USP22: variants seen among roughly 807,000 people sequenced by gnomAD.
USP22 encodes ubiquitin specific peptidase 22.
In USP22, 22 loss-of-function variants were observed where a neutral mutation model predicts 68.1. The ratio of observed to expected loss-of-function variants is 0.32; its 90% CI spans 0.23 to 0.46. USP22 has a LOEUF of 0.46. Among genes scored for constraint, USP22 ranks in the 20% least tolerant of loss-of-function variants. The pLI, the probability that USP22 is intolerant of heterozygous loss-of-function variation, is 1.00. For missense variants in USP22, 433 were observed against 695.8 expected, an observed-to-expected ratio of 0.62 and a Z score of 4.25; for synonymous variants, 279 against 274.2, an observed-to-expected ratio of 1.02 and a Z score of -0.17.
chr17:21,010,582 T>G (rs1410585718), intron 8 of USP22, among the ~76,000 whole-genome samples: 2 of 150,654 alleles, frequency 1.3e-5, no homozygotes, highest in African/African-American at 4.9e-5. Context: ...GAGAATCACT[T>G]GAACCTGAAA....
chr17:21,027,086 G>A (rs1972229933), intron 2 of USP22, among the ~76,000 whole-genome samples: 2 of 151,564 alleles, frequency 1.3e-5, no homozygotes, highest in African/African-American at 2.4e-5. Flanking sequence ...GAGCCACCAC[G>A]CCCAGCCTAC....
chr17:21,030,264 G>C (rs1972271770), intron 1 of USP22, among the ~76,000 whole-genome samples: 1 of 152,164 alleles, frequency 6.6e-6, no homozygotes, highest in Non-Finnish European at 1.5e-5. Flanking sequence ...AATGACATGA[G>C]AAAAAGTCTG....
rs1388262601 is a variant in USP22, at chr17:21,001,426, T to G, written c.*1605A>C. On this transcript the variant is annotated 3_prime_UTR_variant, in exon 13 of 13. Coordinates refer to ENST00000261497, the MANE Select transcript of USP22 (RefSeq NM_015276.2). ...ACCAGCTTCTCCATGGCCTGTGAGC[T>G]AAGAATAGGTTTCACGTTTTTAAAT... 1 of 152,188 alleles carries G rather than the reference T, an allele frequency of 6.6e-6. No individual in the cohort carries two copies. Among genetic ancestry groups the G allele is most frequent in the African/African-American group, 2.4e-5 (1 of 41,438 alleles). The allele number at this position is 152,188 out of a possible 1,614,324, so 9.4% of individuals were successfully genotyped here. A position where few individuals can be genotyped will look rare whatever the true frequency, so the allele number is the denominator to read the frequency against.
Position 21,002,977 on chromosome 17 carries a change from T to G in USP22, c.*54A>C. The G allele has an allele frequency of 6.2e-7, 1 of 1,604,892 alleles. No individual in the cohort carries two copies. Among genetic ancestry groups the G allele is most frequent in the Non-Finnish European group, 8.5e-7 (1 of 1,173,750 alleles). On this transcript the variant is annotated 3_prime_UTR_variant, in exon 13 of 13. Coordinates refer to ENST00000261497, the MANE Select transcript of USP22 (RefSeq NM_015276.2). Reference sequence around the variant, plus strand: ...GAGGGGGGGGCCAGGGAGGATCACTTTGTGAGGCTTGCCAATGCATTGCCT... The same window carrying G: ...GAGGGGGGGGCCAGGGAGGATCACTGTGTGAGGCTTGCCAATGCATTGCCT...
In USP22 at chr17:21,042,758, C is replaced by A; in HGVS notation, c.78G>T (p.Leu26=). Residue 26 remains leucine, a synonymous_variant, in exon 1 of 13, where the codon CTG becomes CTT. Coordinates refer to ENST00000261497, the MANE Select transcript of USP22 (RefSeq NM_015276.2). ...LAVAPPGCSH[L]GSFKVDNWKQ... is the part of the protein sequence containing the mutation. ...TCCAGTTGTCCACCTTGAAGCTGCCCAGGTGCGAGCAGCCCGGCGGCGCTA... is the reference window on the plus strand; with the variant it reads ...TCCAGTTGTCCACCTTGAAGCTGCCAAGGTGCGAGCAGCCCGGCGGCGCTA... The A allele has an allele frequency of 6.7e-7, 1 of 1,497,390 alleles. No individual in the cohort carries two copies. 92.8% of individuals were successfully genotyped at this position (1,497,390 alleles called of 1,614,324 possible). A position where few individuals can be genotyped will look rare whatever the true frequency, so the allele number is the denominator to read the frequency against.
intron 1 of USP22, among the ~76,000 whole-genome samples, chr17:21,040,908 G>T (rs915547893): frequency 7.1e-6 from 1 of 140,828 alleles, no homozygotes; most frequent in East Asian, 2.0e-4. Context: ...TTTTCCGGAG[G>T]GGGTCTTGCT....
At chr17:21,027,690 C>T (rs7216030) in intron 2 of USP22, among the ~76,000 whole-genome samples, 2,616 of 152,238 alleles carry the variant, frequency 0.017, 61 homozygotes, top group African/African-American at 0.058. Context: ...AAGCCAAGGC[C>T]GGGCACAATG....
chr17:21,041,932 C>A (rs1364003522), intron 1 of USP22, among the ~76,000 whole-genome samples: 2 of 152,222 alleles, frequency 1.3e-5, no homozygotes, highest in Admixed American at 6.5e-5. Context: ...CAAACCCGGG[C>A]TGTGGCTCCG....
At chr17:21,009,161 G>T (rs1913870479) in intron 8 of USP22, among the ~76,000 whole-genome samples, 1 of 151,610 alleles carries the variant, frequency 6.6e-6, no homozygotes, top group Non-Finnish European at 1.5e-5. Flanking sequence ...TGCAGAGGCA[G>T]GAGGTAGGAG....
At position 21,002,721 on chromosome 17, in the gene USP22, G is replaced by A; in HGVS notation, c.*310C>T. On this transcript the variant is annotated 3_prime_UTR_variant, in exon 13 of 13. Coordinates refer to ENST00000261497, the MANE Select transcript of USP22 (RefSeq NM_015276.2). ...CGCCAGGCAGCGGTCACTCTGTGCT[G>A]TGAGGCCCCCGTTGCACCCCCATGT... The A allele has an allele frequency of 2.7e-6, 1 of 370,146 alleles. No individual in the cohort carries two copies. The highest frequency in any genetic ancestry group is 2.3e-5 in the South Asian group (1 of 43,538). 22.9% of individuals were successfully genotyped at this position (370,146 alleles called of 1,614,324 possible). A position where few individuals can be genotyped will look rare whatever the true frequency, so the allele number is the denominator to read the frequency against.
At chr17:21,005,164 C>A in intron 10 of USP22, 174 bp from the exon 11 acceptor site, 2 of 747,022 alleles carry the variant, frequency 2.7e-6, no homozygotes, top group Non-Finnish European at 4.3e-6. Flanking sequence ...GACGCTCAAG[C>A]TGTGGAGGCC....
chr17:21,028,198 A>T (rs1424431216), intron 2 of USP22, among the ~76,000 whole-genome samples: 2 of 152,266 alleles, frequency 1.3e-5, no homozygotes, highest in South Asian at 4.1e-4. Context: ...CTCATATTGC[A>T]TGGAGCTCTT....
chr17:21,036,317 G>A (rs937215564), intron 1 of USP22, among the ~76,000 whole-genome samples: 3 of 152,070 alleles, frequency 2.0e-5, no homozygotes, highest in African/African-American at 2.4e-5. Flanking sequence ...AGCACAAAGA[G>A]CAAACCTTAA....
Position 21,002,802 on chromosome 17 carries a change from A to G in USP22, c.*229T>C. 2 of 523,226 alleles carry G rather than the reference A, an allele frequency of 3.8e-6. No individual in the cohort carries two copies. The highest frequency in any genetic ancestry group is 7.0e-6 in the Non-Finnish European group (2 of 286,120). The allele number at this position is 523,226 out of a possible 1,614,324, so 32.4% of individuals were successfully genotyped here. A position where few individuals can be genotyped will look rare whatever the true frequency, so the allele number is the denominator to read the frequency against. On this transcript the variant is annotated 3_prime_UTR_variant, in exon 13 of 13. Coordinates refer to ENST00000261497, the MANE Select transcript of USP22 (RefSeq NM_015276.2). ...GTACGCTGCTCCTCCCACCCAGAGC[A>G]CACCCCTCATCTCATCCATCTTCAA... is the stretch of plus-strand genomic sequence containing the variant.
chr17:21,033,575 A>G (rs1360768004), intron 1 of USP22, among the ~76,000 whole-genome samples: 1 of 152,150 alleles, frequency 6.6e-6, no homozygotes, highest in Non-Finnish European at 1.5e-5. Context: ...TCCAGCTTTT[A>G]AAAGTGTGCA....
At chr17:21,021,673 C>T (rs748677684) in intron 2 of USP22, among the ~76,000 whole-genome samples, 5 of 152,134 alleles carry the variant, frequency 3.3e-5, no homozygotes, top group Admixed American at 6.5e-5. Context: ...TTGTGGTTGG[C>T]GGCATTTGCT....
intron 7 of USP22, among the ~76,000 whole-genome samples, chr17:21,012,473 A>T (rs1167700788): frequency 6.6e-6 from 1 of 152,130 alleles, no homozygotes; most frequent in Non-Finnish European, 1.5e-5. Flanking sequence ...GCACGTAGAA[A>T]AACAATCCAC....
chr17:21,007,796 A>G, intron 9 of USP22, 74 bp downstream of exon 9: 1 of 1,574,222 alleles, frequency 6.4e-7, no homozygotes, highest in Non-Finnish European at 8.7e-7. Flanking sequence ...TGCACAGCAA[A>G]CCAAAAGGCT....
chr17:21,003,670 G>C (rs568700752), intron 12 of USP22, among the ~76,000 whole-genome samples: 2 of 152,284 alleles, frequency 1.3e-5, no homozygotes, highest in South Asian at 4.1e-4. Context: ...GGGAGGCCAA[G>C]GCAGGAGGAT....
Sources: allele counts gnomAD v4.1 joint callset (sites outside exome capture counted in the v4.1 genomes callset), GRCh38; gene constraint gnomAD v4.1.1; transcripts MANE v1.5; gene names NCBI Gene and HGNC (gene_info 2026-07-23, HGNC 2026-07-21).